Variants in MATR3 observed in about 807,000 individuals in gnomAD.
MATR3 encodes matrin-3.
A neutral mutation model predicts 85.5 loss-of-function variants in MATR3; 4 were observed. That is an observed-to-expected ratio of 0.05 (90% CI 0.02 to 0.11). The LOEUF is 0.11. Ranked by LOEUF, MATR3 falls within the 10% of genes least tolerant of loss-of-function variation. The probability of loss-of-function intolerance (pLI) is 1.00; values close to 1 mark genes in which losing one functional copy is unlikely to be tolerated. For missense variants in MATR3, 685 were observed against 1,016.1 expected (o/e 0.67, Z 4.43); for synonymous variants, 336 against 343.1 (o/e 0.98, Z 0.23).
chr5:139,298,351 A>C (rs928047541), intron 1 of MATR3, among the ~76,000 whole-genome samples: 5 of 152,184 alleles, frequency 3.3e-5, no homozygotes, highest in African/African-American at 1.2e-4. Flanking sequence ...TGGGCAGATC[A>C]CTTCAGGCCA....
At position 139,325,553 on chromosome 5, in the gene MATR3, C is replaced by T. The variant is rs752588210; in HGVS notation, c.2262C>T (p.Pro754=). 1 of 1,614,104 alleles carries T rather than the reference C, an allele frequency of 6.2e-7. No homozygotes were observed. Among genetic ancestry groups the T allele is most frequent in the South Asian group, 1.1e-5 (1 of 91,076 alleles). The stretch of plus-strand genomic sequence containing the variant: ...AATCTTCTGAGAACGCTGATGATCC[C>T]AACAAAGATACAAGTGAAAACGCAG... ...GAESSENADD[P]NKDTSENADG... Residue 754 remains proline, a synonymous_variant, in exon 13 of 15, where the codon CCC becomes CCT. Coordinates refer to ENST00000394805, the MANE Select transcript of MATR3 (RefSeq NM_018834.6).
At chr5:139,285,349 A>G (rs1046791582) in intron 3 of MATR3, 4 of 152,232 alleles carry the variant, frequency 2.6e-5, no homozygotes, top group Admixed American at 6.5e-5. Flanking sequence ...TTTTTAAAAA[A>G]TATTCCTCTG....
chr5:139,295,757 C>T (rs1414693838), intron 1 of MATR3, among the ~76,000 whole-genome samples: 1 of 152,150 alleles, frequency 6.6e-6, no homozygotes, highest in African/African-American at 2.4e-5. Context: ...GGTTAAAGCC[C>T]AGATAGGTCG....
At chr5:139,326,356 A>T (rs1353794498) in intron 14 of MATR3, 72 bp downstream of exon 14, 1 of 1,439,222 alleles carries the variant, frequency 6.9e-7, no homozygotes, top group Admixed American at 1.7e-5. Context: ...GTATATAAGT[A>T]AAATGTGTAT....
In MATR3 at chr5:139,329,552, A is replaced by C; in HGVS notation, c.*157A>C. 1 of 678,718 alleles carries C rather than the reference A, an allele frequency of 1.5e-6. No individual in the cohort carries two copies. Among genetic ancestry groups the C allele is most frequent in the Non-Finnish European group, 2.6e-6 (1 of 383,698 alleles). 42.0% of individuals were successfully genotyped at this position (678,718 alleles called of 1,614,324 possible). A position where few individuals can be genotyped will look rare whatever the true frequency, so the allele number is the denominator to read the frequency against. On this transcript the variant is annotated 3_prime_UTR_variant, in exon 15 of 15. Coordinates refer to ENST00000394805, the MANE Select transcript of MATR3 (RefSeq NM_018834.6). ...GATGTCTGTTCATGTGTTAAGTGTT[A>C]TAGCAAAAAAAATACACATATGGTT... is the stretch of plus-strand genomic sequence containing the variant.
chr5:139,283,162 T>C (rs1451914113), intron 3 of MATR3: 1 of 152,278 alleles, frequency 6.6e-6, no homozygotes, highest in East Asian at 1.9e-4. Context: ...GATTTTGTTA[T>C]CAGCTGCTAA....
chr5:139,307,254 C>T lies in MATR3; in HGVS notation c.-162C>T, dbSNP rs1175367829. Reference sequence around the variant, plus strand: ...TTTTCTACAGAGTTGTCTGCTGGTTCTCAGCTTGAAGAAGATTCTGCAGTC... The same window carrying T: ...TTTTCTACAGAGTTGTCTGCTGGTTTTCAGCTTGAAGAAGATTCTGCAGTC... On this transcript the variant is annotated 5_prime_UTR_variant, in exon 2 of 15. Coordinates refer to ENST00000394805, the MANE Select transcript of MATR3 (RefSeq NM_018834.6). The surrounding 1 kb of genome is among the most constrained non-coding windows in gnomAD (Gnocchi z 4.4). 6.0e-6 allele frequency: 8 copies of T among 1,322,428 alleles called. No homozygotes were observed. Among genetic ancestry groups the T allele is most frequent in the Non-Finnish European group, 7.7e-6 (8 of 1,040,750 alleles). 81.9% of individuals were successfully genotyped at this position (1,322,428 alleles called of 1,614,324 possible). A position where few individuals can be genotyped will look rare whatever the true frequency, so the allele number is the denominator to read the frequency against.
intron 3 of MATR3, among the ~76,000 whole-genome samples, chr5:139,280,928 T>TA (rs1372020457): frequency 6.6e-6 from 1 of 152,146 alleles, no homozygotes; most frequent in African/African-American, 2.4e-5. Context: ...ACTTGATAAA[T>TA]AAAGTTACTC....
chr5:139,316,051 A>C (rs775029320), intron 4 of MATR3, 25 bp from the exon 5 acceptor site: 1 of 1,491,400 alleles, frequency 6.7e-7, no homozygotes, highest in Non-Finnish European at 9.3e-7. Context: ...ATTATGATTT[A>C]TATTTTATGT....
rs774114384 is a variant in MATR3 at position 139,294,034 on chromosome 5, C to G, written c.-178+229C>G. 2.1e-5 allele frequency: 26 copies of G among 1,248,622 alleles called. No homozygotes were observed. Among genetic ancestry groups the G allele is most frequent in the African/African-American group, 4.6e-5 (3 of 64,844 alleles). The allele number at this position is 1,248,622 out of a possible 1,614,324, so 77.3% of individuals were successfully genotyped here. A position where few individuals can be genotyped will look rare whatever the true frequency, so the allele number is the denominator to read the frequency against. The stretch of plus-strand genomic sequence containing the variant: ...AGCCTTCTAGGGCGGCGGAGGTGAG[C>G]GGTCCGGGAGGGAAACACGCGGCCG... On this transcript the variant is annotated intron_variant, in intron 1 of 14. Transcript: ENST00000394805.
intron 7 of MATR3, among the ~76,000 whole-genome samples, chr5:139,318,633 G>A (rs1048315666): frequency 1.3e-5 from 2 of 152,224 alleles, no homozygotes; most frequent in Non-Finnish European, 1.5e-5. Flanking sequence ...AGTAGAGACG[G>A]GGTTTCACCA....
intron 1 of MATR3, among the ~76,000 whole-genome samples, chr5:139,304,855 G>C (rs1479045144): frequency 6.6e-6 from 1 of 152,160 alleles, no homozygotes; most frequent in African/African-American, 2.4e-5. Flanking sequence ...TTTGCTAATA[G>C]GCAGTGGGGC....
At chr5:139,297,624 C>G (rs1281731073) in intron 1 of MATR3, among the ~76,000 whole-genome samples, 1 of 152,070 alleles carries the variant, frequency 6.6e-6, no homozygotes, top group Non-Finnish European at 1.5e-5. Context: ...TCTGACCTAA[C>G]CTGAATATAA....
intron 1 of MATR3, 150 bp downstream of exon 1, chr5:139,293,955 T>C (rs1035343082): frequency 8.2e-6 from 10 of 1,212,778 alleles, no homozygotes; most frequent in African/African-American, 1.6e-5. Context: ...GCGTTGCGTA[T>C]GTGAGCCGCC....
At chr5:139,305,317 A>G (rs1020636577) in intron 1 of MATR3, among the ~76,000 whole-genome samples, 18 of 152,210 alleles carry the variant, frequency 1.2e-4, no homozygotes, top group African/African-American at 4.3e-4. Context: ...AGAGCTCTGT[A>G]GTCTAACAGT....
intron 2 of MATR3, among the ~76,000 whole-genome samples, chr5:139,276,820 C>G (rs1165243423): frequency 6.6e-6 from 1 of 152,002 alleles, no homozygotes; most frequent in African/African-American, 2.4e-5. Flanking sequence ...GTCATGACAC[C>G]CTTTGTAGAG....
intron 9 of MATR3, among the ~76,000 whole-genome samples, chr5:139,320,394 A>G (rs1315497235): frequency 6.6e-6 from 1 of 152,182 alleles, no homozygotes; most frequent in Non-Finnish European, 1.5e-5. Flanking sequence ...AGAGTTGCCC[A>G]GGAGTTTGAG....
At chr5:139,318,339 G>A (rs1000272868) in intron 7 of MATR3, among the ~76,000 whole-genome samples, 12 of 152,142 alleles carry the variant, frequency 7.9e-5, no homozygotes, top group African/African-American at 2.9e-4. Flanking sequence ...TCACCATGTT[G>A]GCCAGGCTGG....
chr5:139,313,760 C>T (rs758046396), intron 2 of MATR3: 4 of 151,986 alleles, frequency 2.6e-5, no homozygotes, highest in African/African-American at 4.8e-5. Context: ...AAATGGGATT[C>T]GTTTTCTAGA....
Sources: allele counts gnomAD v4.1 joint callset (sites outside exome capture counted in the v4.1 genomes callset), GRCh38; gene constraint gnomAD v4.1.1; non-coding constraint Gnocchi (gnomAD v3.1); transcripts MANE v1.5; gene names NCBI Gene and HGNC (gene_info 2026-07-23, HGNC 2026-07-21).